Variants in TTN observed in about 807,000 individuals in gnomAD.
TTN encodes the protein connectin.
TTN carries 1,525 observed loss-of-function variants against 3,223.0 expected under a neutral mutation model. The ratio of observed to expected loss-of-function variants is 0.47; its 90% CI spans 0.45 to 0.49. TTN has a LOEUF of 0.49. Among genes scored for constraint, TTN ranks in the 20% least tolerant of loss-of-function variants. The pLI is 0.00. For synonymous variants in TTN, 14,094 were observed against 15,161.0 expected, an observed-to-expected ratio of 0.93 and a Z score of 5.17; for missense variants, 40,786 against 43,424.0, an observed-to-expected ratio of 0.94 and a Z score of 5.40.
rs1552280 is a variant in TTN at position 178,779,308 on chromosome 2, G to A, written c.3884C>T (p.Ser1295Leu). 0.98 allele frequency: 1,577,861 copies of A among 1,613,600 alleles called. 772,469 individuals are homozygous for A. Among genetic ancestry groups the A allele is most frequent in the Non-Finnish European group, 0.99 (1,170,441 of 1,179,730 alleles). ...AAGAATTCTATAATTCTTGATTCTT[G>A]AATCAAATCCTGATTCAACAGCTTC... The part of the protein sequence containing the change: ...ESEAVESGFD[S>L]RIKNYRILEG... The change falls in exon 23 of 363, where the codon TCA becomes TTA. Residue 1295 changes from serine to leucine, a missense_variant. Ser to Leu is a moderately radical substitution (Grantham distance 145). Transcript: ENST00000589042.
Position 178,599,699 on chromosome 2 carries a change from A to G in TTN, c.56202T>C (p.Tyr18734=). The G allele has an allele frequency of 6.2e-7, 1 of 1,613,118 alleles. No individual in the cohort carries two copies. Among genetic ancestry groups the G allele is most frequent in the African/African-American group, 1.3e-5 (1 of 74,994 alleles). The part of the protein sequence containing the change: ...KKPDNKEPVL[Y]DTHVNKLVVD... ...CCACCAGTTTGTTGACATGGGTGTCATAGAGAACAGGTTCTTTGTTATCAG... is the reference window on the plus strand; with the variant it reads ...CCACCAGTTTGTTGACATGGGTGTCGTAGAGAACAGGTTCTTTGTTATCAG... The change falls in exon 289 of 363, where the codon TAT becomes TAC. Residue 18734 remains tyrosine, a synonymous_variant. Coordinates refer to ENST00000589042, the MANE Select transcript of TTN (RefSeq NM_001267550.2).
intron 257 of TTN, among the ~76,000 whole-genome samples, chr2:178,616,218 G>A (rs1288861833): frequency 1.3e-5 from 2 of 151,820 alleles, no homozygotes; most frequent in Non-Finnish European, 2.9e-5. Flanking sequence ...GTACTTAGCA[G>A]GTACCAAGTC....
At chr2:178,745,288 AG>A (rs2083279087) in intron 47 of TTN, 1 of 1,220,444 alleles carries the variant, frequency 8.2e-7, no homozygotes, top group Admixed American at 3.5e-5. Context: ...TTTGTGGAGG[AG>A]GCATGAGGGT....
Position 178,589,733 on chromosome 2 carries a change from G to A in TTN, c.61992C>T (p.Asn20664=). ...IETKTPILAI[N]PIDRPGEPEN... ...CAGGCTCACCTGGTCTGTCAATAGGGTTAATAGCCAGAATGGGAGTTTTTG... is the reference window on the plus strand; with the variant it reads ...CAGGCTCACCTGGTCTGTCAATAGGATTAATAGCCAGAATGGGAGTTTTTG... The change falls in exon 304 of 363, where the codon AAC becomes AAT. Residue 20664 remains asparagine, a synonymous_variant. Coordinates refer to ENST00000589042, the MANE Select transcript of TTN (RefSeq NM_001267550.2). 1 of 1,613,554 alleles carries A rather than the reference G, an allele frequency of 6.2e-7. No homozygotes were observed. Among genetic ancestry groups the A allele is most frequent in the Non-Finnish European group, 8.5e-7 (1 of 1,179,604 alleles).
Position 178,631,009 on chromosome 2 carries a change from G to A in TTN, c.44014+25C>T, listed in dbSNP as rs1183037538. On this transcript the variant is annotated intron_variant, in intron 237 of 362. Transcript: ENST00000589042. ...CACAAATAACCCCAATGCTTCAAGA[G>A]TGAAACTCATGGAAATTTCCTTACC... 3 of 1,612,482 alleles carry A rather than the reference G, an allele frequency of 1.9e-6. No homozygotes were observed. In the Admixed American group the frequency reaches 5.0e-5, roughly 27 times the overall value.
chr2:178,730,480 A>G (rs1280134837), intron 61 of TTN, 25 bp downstream of exon 61: 8 of 1,579,970 alleles, frequency 5.1e-6, no homozygotes, highest in Admixed American at 1.8e-5. Flanking sequence ...TAAGTTCTTG[A>G]TAAGTGGAAA....
At position 178,715,041 on chromosome 2, in the gene TTN, A is replaced by G. The variant is rs1295614854; in HGVS notation, c.26145T>C (p.Cys8715=). 1.2e-6 allele frequency: 2 copies of G among 1,613,560 alleles called. No individual in the cohort carries two copies. Among genetic ancestry groups the G allele is most frequent in the South Asian group, 2.2e-5 (2 of 91,008 alleles). Residue 8715 remains cysteine (C), a synonymous_variant, in exon 90 of 363, where the codon TGT becomes TGC. Transcript: ENST00000589042. ...VDAADIGEYQ[C]KATNDVGSDT... ...CGCTTCCCACATCATTTGTGGCTTT[A>G]CACTGATATTCCCCAATGTCTGCAG...
rs1420446541 is a variant in TTN at position 178,592,848 on chromosome 2, C to T, written c.59271G>A (p.Val19757=). ...ATTCACCAGCTGCATTGACTGCTAA[C>T]ACTCTAAACTTATAGGTTTGACCGT... ...LRDGQTYKFR[V]LAVNAAGESD... Residue 19757 remains valine (V), a synonymous_variant, in exon 300 of 363, where the codon GTG becomes GTA. Coordinates refer to ENST00000589042, the MANE Select transcript of TTN (RefSeq NM_001267550.2). The T allele has an allele frequency of 1.9e-6, 3 of 1,613,568 alleles. No homozygotes were observed. The Admixed American group carries it at 5.0e-5, about 27-fold the overall frequency.
At chr2:178,536,736 C>A in intron 356 of TTN, 161 bp from the exon 357 acceptor site, 1 of 809,788 alleles carries the variant, frequency 1.2e-6, no homozygotes. Flanking sequence ...ATATCAAAAA[C>A]CAAAGTTCTA....
Position 178,733,367 on chromosome 2 carries a change from A to C in TTN, c.15926T>G (p.Ile5309Arg). 1 of 1,613,778 alleles carries C rather than the reference A, an allele frequency of 6.2e-7. No individual in the cohort carries two copies. The highest frequency in any genetic ancestry group is 8.5e-7 in the Non-Finnish European group (1 of 1,179,766). ...CTGGGCAACATTGTTTTTAAAACTT[A>C]TTCGGTATTTTTTACTGGCGACCAA... ...RPLVASKKYR[I>R]SFKNNVAQLK... is the part of the protein sequence containing the mutation. The change falls in exon 54 of 363, where the codon ATA (isoleucine) becomes AGA (arginine). Residue 5309 changes from isoleucine (I) to arginine (R), a missense_variant. Ile to Arg is a moderately conservative substitution (Grantham distance 97). Coordinates refer to ENST00000589042, the MANE Select transcript of TTN (RefSeq NM_001267550.2).
In TTN at chr2:178,620,490, T is replaced by C; in HGVS notation, c.46031A>G (p.Asp15344Gly). ...ATCAACTCTGTATGAGACACGGTTG[T>C]CAAAAGGCACTTCTTCACCATTTTT... is the stretch of plus-strand genomic sequence containing the variant. ...WTKNGEEVPF[D>G]NRVSYRVDKY... The change falls in exon 248 of 363, where the codon GAC becomes GGC. Residue 15344 changes from aspartate (D) to glycine (G), a missense_variant. By Grantham distance (94) the Asp-to-Gly change is moderately conservative. Coordinates refer to ENST00000589042, the MANE Select transcript of TTN (RefSeq NM_001267550.2). 1 of 1,612,456 alleles carries C rather than the reference T, an allele frequency of 6.2e-7. No individual in the cohort carries two copies.
In TTN at chr2:178,807,234, A is replaced by T. The variant is rs1275539181; in HGVS notation, c.-36T>A. ...CACCTGATTTCTCAAGAGTGCCTAAAAAGGGTGGGACTAAGCCCAAGGTTG... is the reference window on the plus strand; with the variant it reads ...CACCTGATTTCTCAAGAGTGCCTAATAAGGGTGGGACTAAGCCCAAGGTTG... On this transcript the variant is annotated 5_prime_UTR_variant, in exon 1 of 363. Transcript: ENST00000589042. 6.6e-6 allele frequency: 1 copy of T among 152,182 alleles called. No individual in the cohort carries two copies. Among genetic ancestry groups the T allele is most frequent in the Non-Finnish European group, 1.5e-5 (1 of 68,024 alleles). 9.4% of individuals were successfully genotyped at this position (152,182 alleles called of 1,614,324 possible).
At position 178,618,406 on chromosome 2, in the gene TTN, A is replaced by G; in HGVS notation, c.47052T>C (p.Asp15684=). 2 of 1,612,486 alleles carry G rather than the reference A, an allele frequency of 1.2e-6. No individual in the cohort carries two copies. Among genetic ancestry groups the G allele is most frequent in the Non-Finnish European group, 1.7e-6 (2 of 1,179,122 alleles). Residue 15684 remains aspartate (D), a synonymous_variant, in exon 252 of 363, where the codon GAT becomes GAC. Coordinates refer to ENST00000589042, the MANE Select transcript of TTN (RefSeq NM_001267550.2). ...VSLAWEEPLT[D]GGSKIIGYVV... The stretch of plus-strand genomic sequence containing the variant: ...CGTAACCTATGATTTTGCTTCCACC[A>G]TCAGTTAAAGGTTCTTCCCAAGCAA...
Position 178,564,156 on chromosome 2 carries a change from T to C in TTN, c.81976A>G (p.Lys27326Glu). The change falls in exon 326 of 363, where the codon AAA becomes GAA. Residue 27326 changes from lysine to glutamate, a missense_variant. Transcript: ENST00000589042. ...AGAGTTGTTTTCTGAATAGTAGATT[T>C]AATTTCCATTCTAGCAGCTGTTTCT... Reference protein sequence around the residue: ...LEETAARMEIKSTIQKTTLVV... With the variant: ...LEETAARMEIESTIQKTTLVV... The C allele has an allele frequency of 6.2e-7, 1 of 1,613,810 alleles. No individual in the cohort carries two copies. Among genetic ancestry groups the C allele is most frequent in the Non-Finnish European group, 8.5e-7 (1 of 1,179,760 alleles).
At chr2:178,550,839 CAT>C (rs1699149052) in intron 336 of TTN, 126 bp downstream of exon 336, 1 of 801,672 alleles carries the variant, frequency 1.2e-6, no homozygotes, top group African/African-American at 1.8e-5. Context: ...GGTAGAAAGA[CAT>C]AATTCATCCA....
rs777176324 is a variant in TTN at position 178,586,726 on chromosome 2, C to T, written c.64175G>A (p.Arg21392His). 83 of 1,612,996 alleles carry T rather than the reference C, an allele frequency of 5.1e-5. No individual in the cohort carries two copies. The highest frequency in any genetic ancestry group is 1.7e-4 in the Admixed American group (10 of 59,964). Residue 21392 changes from arginine (R) to histidine (H), a missense_variant, in exon 308 of 363, where the codon CGT becomes CAT. By Grantham distance (29) the Arg-to-His change is conservative (BLOSUM62 0). Coordinates refer to ENST00000589042, the MANE Select transcript of TTN (RefSeq NM_001267550.2). The stretch of plus-strand genomic sequence containing the variant: ...GCCATCGATTTTAGCACCTCCATCA[C>T]GTAGGGGAGGTAACCAGGCTAAGGT... The part of the protein sequence containing the change: ...SATLAWLPPL[R>H]DGGAKIDGYI...
At chr2:178,701,075 G>A (rs2074883021) in intron 111 of TTN, 45 bp downstream of exon 111, 2 of 1,588,784 alleles carry the variant, frequency 1.3e-6, no homozygotes, top group African/African-American at 1.3e-5. Context: ...CGGGTCAGCA[G>A]AGTGAAATTC....
Position 178,734,833 on chromosome 2 carries a change from A to C in TTN, c.15091T>G (p.Tyr5031Asp), listed in dbSNP as rs879023034. The change falls in exon 51 of 363, where the codon TAT becomes GAT. Residue 5031 changes from tyrosine (Y) to aspartate (D), a missense_variant. By Grantham distance (160) the Tyr-to-Asp change is radical. Transcript: ENST00000589042. ...AGTATAGCCTCAGAATTGACAAAAT[A>C]CATTCGGACTGTGTTACTTTCACTG... Reference protein sequence around the residue: ...ELSESNTVRMYFVNSEAILDI... With the variant: ...ELSESNTVRMDFVNSEAILDI... The C allele has an allele frequency of 1.2e-5, 20 of 1,613,686 alleles. No individual in the cohort carries two copies. Among genetic ancestry groups the C allele is most frequent in the African/African-American group, 4.0e-5 (3 of 74,932 alleles).
chr2:178,619,211 A>T, intron 250 of TTN: 1 of 358,552 alleles, frequency 2.8e-6, no homozygotes, highest in Non-Finnish European at 5.0e-6. Context: ...TTTTCTTATG[A>T]ATGAGAGGTA....
Sources: allele counts gnomAD v4.1 joint callset (sites outside exome capture counted in the v4.1 genomes callset), GRCh38; gene constraint gnomAD v4.1.1; transcripts MANE v1.5; gene names NCBI Gene and HGNC (gene_info 2026-07-23, HGNC 2026-07-21).